The following ZMYND11 variants were observed in gnomAD, a reference collection of about 807,000 sequenced individuals.
ZMYND11 encodes the protein zinc finger MYND domain-containing protein 11.
A neutral mutation model predicts 84.9 loss-of-function variants in ZMYND11; 9 were observed. The ratio of observed to expected loss-of-function variants is 0.11; its 90% CI spans 0.06 to 0.18. The LOEUF is 0.18. Among genes scored for constraint, ZMYND11 ranks in the 10% least tolerant of loss-of-function variants. ZMYND11 has a pLI of 1.00. For synonymous variants in ZMYND11, 250 were observed against 244.1 expected (o/e 1.02, Z -0.23); for missense variants, 409 against 761.0 (o/e 0.54, Z 5.44).
intron 2 of ZMYND11, among the ~76,000 whole-genome samples, chr10:200,289 A>G (rs1435869207): frequency 9.0e-6 from 1 of 111,110 alleles, no homozygotes; most frequent in Non-Finnish European, 1.8e-5. Flanking sequence ...TATAATATGT[A>G]TAAAATGTAT....
chr10:215,649 C>G (rs902699253), intron 3 of ZMYND11, among the ~76,000 whole-genome samples: 1 of 151,978 alleles, frequency 6.6e-6, no homozygotes, highest in Non-Finnish European at 1.5e-5. Flanking sequence ...CCTTGACCTC[C>G]TGGCCTCAAG....
At chr10:220,150 G>C (rs1310390870) in intron 3 of ZMYND11, among the ~76,000 whole-genome samples, 1 of 152,032 alleles carries the variant, frequency 6.6e-6, no homozygotes, top group East Asian at 1.9e-4. Context: ...AAACAGTAAA[G>C]CTGTTCCACC....
intron 1 of ZMYND11, among the ~76,000 whole-genome samples, chr10:150,987 C>T (rs1376939753): frequency 1.3e-5 from 2 of 152,204 alleles, no homozygotes; most frequent in Non-Finnish European, 2.9e-5. Context: ...CAAACTCCAA[C>T]AGACCTGCAG....
intron 3 of ZMYND11, among the ~76,000 whole-genome samples, chr10:220,859 G>A (rs761353499): frequency 5.3e-5 from 8 of 152,100 alleles, no homozygotes; most frequent in African/African-American, 1.7e-4. Context: ...AGGTTGGTTT[G>A]GGGTTCTCAG....
chr10:227,667 G>C (rs1948360220), intron 4 of ZMYND11, among the ~76,000 whole-genome samples: 1 of 152,176 alleles, frequency 6.6e-6, no homozygotes, highest in Non-Finnish European at 1.5e-5. Flanking sequence ...ACAGTAAAGA[G>C]AATGCCCATA....
intron 4 of ZMYND11, among the ~76,000 whole-genome samples, chr10:230,608 A>G (rs1225060774): frequency 2.6e-5 from 4 of 151,602 alleles, no homozygotes; most frequent in Non-Finnish European, 4.4e-5. Flanking sequence ...TATTTCAGTG[A>G]GCTATTGGTG....
intron 1 of ZMYND11, among the ~76,000 whole-genome samples, chr10:174,208 T>C (rs1410912513): frequency 1.3e-5 from 2 of 152,216 alleles, no homozygotes; most frequent in African/African-American, 2.4e-5. Flanking sequence ...TGGAATGTTA[T>C]TCAGTACTAA....
Position 185,120 on chromosome 10 carries a change from G to A in ZMYND11, c.116+4992G>A, listed in dbSNP as rs576920726. On this transcript the variant is annotated intron_variant, in intron 2 of 14. Transcript: ENST00000381604. ...ATTACCATGAGTCATCTGCAAATGG[G>A]AGTGTGTAAAATCCTGACCAGTTTC... Among the ~76,000 whole-genome samples, 6 of 152,174 alleles carry A rather than the reference G, an allele frequency of 3.9e-5. No individual in the cohort carries two copies. The East Asian group carries it at 1.2e-3, about 29-fold the overall frequency.
intron 4 of ZMYND11, among the ~76,000 whole-genome samples, chr10:229,362 CCTA>C (rs1057183305): frequency 6.6e-6 from 1 of 152,018 alleles, no homozygotes; most frequent in Non-Finnish European, 1.5e-5. Context: ...ATCTTGAGTT[CCTA>C]CTTTTACCTG....
chr10:200,257 A>C (rs1271579264), intron 2 of ZMYND11, among the ~76,000 whole-genome samples: 3 of 142,454 alleles, frequency 2.1e-5, no homozygotes, highest in Non-Finnish European at 4.6e-5. Context: ...ATATAATATA[A>C]AATATATAAT....
intron 3 of ZMYND11, among the ~76,000 whole-genome samples, chr10:212,440 A>G (rs955400905): frequency 1.3e-5 from 2 of 151,830 alleles, no homozygotes; most frequent in African/African-American, 2.4e-5. Context: ...GAATATATCA[A>G]AATTGTGCCT....
At chr10:137,622 A>G (rs1836422015) in intron 1 of ZMYND11, among the ~76,000 whole-genome samples, 1 of 152,100 alleles carries the variant, frequency 6.6e-6, no homozygotes, top group Non-Finnish European at 1.5e-5. Context: ...TGAAAGTTGA[A>G]AAGTTAGAGT....
chr10:154,565 T>C (rs765485491), intron 1 of ZMYND11, among the ~76,000 whole-genome samples: 4 of 152,154 alleles, frequency 2.6e-5, no homozygotes, highest in Non-Finnish European at 4.4e-5. Context: ...CATGCATGTC[T>C]GAGGTCATAT....
intron 14 of ZMYND11, among the ~76,000 whole-genome samples, chr10:250,965 A>G (rs1182770551): frequency 2.0e-5 from 3 of 150,980 alleles, no homozygotes; most frequent in African/African-American, 7.3e-5. Context: ...AGAGATCAAA[A>G]TGAGCTGAGA....
intron 10 of ZMYND11, among the ~76,000 whole-genome samples, chr10:246,468 G>T (rs1952186655): frequency 6.6e-6 from 1 of 152,182 alleles, no homozygotes; most frequent in Non-Finnish European, 1.5e-5. Flanking sequence ...GTGAACAATT[G>T]GGAGGCATTT....
intron 2 of ZMYND11, among the ~76,000 whole-genome samples, chr10:189,961 T>C (rs72770980): frequency 7.9e-5 from 12 of 152,034 alleles, no homozygotes; most frequent in Admixed American, 3.9e-4. Flanking sequence ...GCATAGACTG[T>C]CTGGATCAAG....
rs117794860 is a variant in ZMYND11, at chr10:159,816, A to G, written c.-19-20178A>G. On this transcript the variant is annotated intron_variant, in intron 1 of 14. Coordinates refer to ENST00000381604, the MANE Select transcript of ZMYND11 (RefSeq NM_001370100.5). ...CTACTCTTTGGTTTTAAAGGAATCT[A>G]CTCATATTTTCATCTAATACTTGAT... Among the ~76,000 whole-genome samples, 616 of 151,888 alleles carry G rather than the reference A, an allele frequency of 4.1e-3. 2 individuals carry two copies. Among genetic ancestry groups the G allele is most frequent in the Non-Finnish European group, 7.1e-3 (481 of 67,910 alleles).
chr10:202,576 G>A (rs1943407234), intron 2 of ZMYND11, among the ~76,000 whole-genome samples: 1 of 151,826 alleles, frequency 6.6e-6, no homozygotes, highest in Non-Finnish European at 1.5e-5. Context: ...GATTCTCAAG[G>A]TGCATCAGTA....
chr10:155,944 A>G (rs1374607703), intron 1 of ZMYND11, among the ~76,000 whole-genome samples: 1 of 152,226 alleles, frequency 6.6e-6, no homozygotes, highest in African/African-American at 2.4e-5. Flanking sequence ...TTACTGGGCC[A>G]TTGAGTGGCA....
Sources: allele counts gnomAD v4.1 joint callset (sites outside exome capture counted in the v4.1 genomes callset), GRCh38; gene constraint gnomAD v4.1.1; transcripts MANE v1.5; gene names NCBI Gene and HGNC (gene_info 2026-07-23, HGNC 2026-07-21).